Variants in TANGO2 observed in about 807,000 individuals in gnomAD.
The protein encoded by TANGO2 is transport and golgi organization 2 homolog.
Under a neutral mutation model 39.1 loss-of-function variants are expected in TANGO2, and 26 were observed. The observed-to-expected ratio is 0.67, with a 90% CI of 0.49 to 0.92. TANGO2 has a LOEUF of 0.92. TANGO2 is among the 40% of genes least tolerant of loss of function. TANGO2 has a pLI of 0.00. For synonymous variants in TANGO2, 131 were observed against 144.5 expected (o/e 0.91, Z 0.67); for missense variants, 326 against 360.1 (o/e 0.91, Z 0.77).
intron 6 of TANGO2, among the ~76,000 whole-genome samples, chr22:20,060,730 G>A (rs992615141): frequency 3.3e-5 from 5 of 152,070 alleles, no homozygotes; most frequent in Non-Finnish European, 7.4e-5. Flanking sequence ...CTGTCTCCCT[G>A]GGAAATGCCT....
chr22:20,053,392 C>A, intron 4 of TANGO2, 45 bp from the exon 5 acceptor site: 1 of 1,367,686 alleles, frequency 7.3e-7, no homozygotes, highest in Non-Finnish European at 1.0e-6. Context: ...GGGAGAAGAG[C>A]ACATGCCTGC....
At chr22:20,056,696 T>G (rs957940074) in intron 6 of TANGO2, 6 of 456,358 alleles carry the variant, frequency 1.3e-5, no homozygotes, top group African/African-American at 1.2e-4. Flanking sequence ...GGGAGGGAGG[T>G]CTGCATCTTG....
rs574103810 is a variant in TANGO2, at chr22:20,061,784, G to C, written c.605+101G>C. 76 of 1,396,414 alleles carry C rather than the reference G, an allele frequency of 5.4e-5. 1 individual carries two copies. Among genetic ancestry groups the C allele is most frequent in the Non-Finnish European group, 7.0e-5 (74 of 1,054,510 alleles). The allele number at this position is 1,396,414 out of a possible 1,614,324, so 86.5% of individuals were successfully genotyped here. A position where few individuals can be genotyped will look rare whatever the true frequency, so the allele number is the denominator to read the frequency against. ...CCCGGGAGGCCCATGGAAGTGGCCA[G>C]GCTGGGTCCCCAGCTGCAGGGAAGC... is the stretch of plus-strand genomic sequence containing the variant. On this transcript the variant is annotated intron_variant, in intron 7 of 8. Transcript: ENST00000327374.
intron 1 of TANGO2, among the ~76,000 whole-genome samples, chr22:20,034,224 C>T (rs775632076): frequency 5.9e-5 from 9 of 152,014 alleles, no homozygotes; most frequent in Non-Finnish European, 1.2e-4. Flanking sequence ...AACCGAGTTC[C>T]TTTTGCTGCT....
At chr22:20,056,548 C>A (rs779944097) in intron 6 of TANGO2, 8 of 456,812 alleles carry the variant, frequency 1.8e-5, no homozygotes, top group South Asian at 1.2e-4. Context: ...GGCTCTGCAC[C>A]ACTGCCCAGG....
In TANGO2 at chr22:20,066,031, C is replaced by T. The variant is rs1054215; in HGVS notation, c.*1369C>T. Reference sequence around the variant, plus strand: ...CCCTTCCCACCTCCCCCTTTCCTCACGGCTTCTTCAGCACCACATGTGGAT... The same window carrying T: ...CCCTTCCCACCTCCCCCTTTCCTCATGGCTTCTTCAGCACCACATGTGGAT... On this transcript the variant is annotated 3_prime_UTR_variant, in exon 9 of 9. Coordinates refer to ENST00000327374, the MANE Select transcript of TANGO2 (RefSeq NM_152906.7). The T allele has an allele frequency of 0.1, 15,352 of 152,500 alleles. 1,473 individuals are homozygous for T. The highest frequency in any genetic ancestry group is 0.25 in the African/African-American group (10,353 of 41,528). The allele number at this position is 152,500 out of a possible 1,614,324, so 9.4% of individuals were successfully genotyped here. A position where few individuals can be genotyped will look rare whatever the true frequency, so the allele number is the denominator to read the frequency against.
intron 1 of TANGO2, among the ~76,000 whole-genome samples, chr22:20,032,389 C>T (rs1569246972): frequency 6.6e-6 from 1 of 152,268 alleles, no homozygotes; most frequent in African/African-American, 2.4e-5. Flanking sequence ...GATGCAGAGA[C>T]TGGGCGTGGC....
intron 1 of TANGO2, 124 bp from the exon 2 acceptor site, chr22:20,036,636 C>A: frequency 3.7e-6 from 3 of 813,414 alleles, no homozygotes; most frequent in South Asian, 1.6e-5. Flanking sequence ...TCCAGTTCCC[C>A]CACACCCAGC....
At chr22:20,058,402 G>A (rs1331412707) in intron 6 of TANGO2, 1 of 152,166 alleles carries the variant, frequency 6.6e-6, no homozygotes, top group Non-Finnish European at 1.5e-5. Flanking sequence ...TAGCACTTTA[G>A]GAGGCCAAGG....
At chr22:20,059,817 T>G (rs2048030975) in intron 6 of TANGO2, among the ~76,000 whole-genome samples, 1 of 152,184 alleles carries the variant, frequency 6.6e-6, no homozygotes, top group African/African-American at 2.4e-5. Flanking sequence ...TCTTTTTTTT[T>G]CTTTTGTTGC....
Position 20,052,543 on chromosome 22 carries a change from A to G in TANGO2, c.224A>G (p.Asn75Ser). Residue 75 changes from asparagine to serine, a missense_variant, in exon 4 of 9, where the codon AAC becomes AGC. Physicochemically the swap from Asn to Ser is conservative, Grantham distance 46. Transcript: ENST00000327374. ...CGTGGCAAGCTGGCAGCACTCACCAACTACCTGCAGCCGCAGCTGGACTGG... is the reference window on the plus strand; with the variant it reads ...CGTGGCAAGCTGGCAGCACTCACCAGCTACCTGCAGCCGCAGCTGGACTGG... ...STRGKLAALT[N>S]YLQPQLDWQA... 6.2e-7 allele frequency: 1 copy of G among 1,600,654 alleles called. No homozygotes were observed. Among genetic ancestry groups the G allele is most frequent in the Non-Finnish European group, 8.5e-7 (1 of 1,174,090 alleles).
chr22:20,025,489 C>T (rs1194576238), intron 1 of TANGO2, among the ~76,000 whole-genome samples: 2 of 152,098 alleles, frequency 1.3e-5, no homozygotes, highest in Non-Finnish European at 2.9e-5. Context: ...ACAGATTGTA[C>T]AAAGTGAACC....
intron 8 of TANGO2, chr22:20,063,714 G>T: frequency 2.5e-6 from 1 of 400,560 alleles, no homozygotes; most frequent in East Asian, 3.9e-5. Context: ...GATCCCTGCG[G>T]GCAAACGCCC....
intron 8 of TANGO2, 34 bp from the exon 9 acceptor site, chr22:20,064,508 C>A: frequency 6.2e-7 from 1 of 1,613,020 alleles, no homozygotes; most frequent in East Asian, 2.2e-5. Flanking sequence ...GGCTGAGGGA[C>A]ACCAGGTGAA....
chr22:20,036,872 C>T lies in TANGO2; in HGVS notation c.56+18C>T, dbSNP rs1209460754. On this transcript the variant is annotated intron_variant, in intron 2 of 8. Transcript: ENST00000327374. ...GCGTACAGGTAACCCCCTCGCTCTG[C>T]ATCTGCTGCGCCCTGCAGGGTCCTG... 24 of 1,614,140 alleles carry T rather than the reference C, an allele frequency of 1.5e-5. No individual in the cohort carries two copies. The highest frequency in any genetic ancestry group is 1.9e-5 in the Non-Finnish European group (23 of 1,180,054).
At chr22:20,027,255 A>G (rs559045213) in intron 1 of TANGO2, among the ~76,000 whole-genome samples, 23 of 152,222 alleles carry the variant, frequency 1.5e-4, no homozygotes, top group African/African-American at 4.8e-4. Context: ...CCATGATCCA[A>G]TCGCCTCCCA....
intron 1 of TANGO2, among the ~76,000 whole-genome samples, chr22:20,024,231 A>G (rs1398644459): frequency 6.6e-6 from 1 of 152,240 alleles, no homozygotes; most frequent in Non-Finnish European, 1.5e-5. Context: ...AATAAAAATA[A>G]AAAATGCCAT....
In TANGO2 at chr22:20,036,840, C is replaced by T; in HGVS notation, c.42C>T (p.Ser14=). ...TTAAGTTTGATCCTCGCCCTGTTTCCAAAAACGCGTACAGGTAACCCCCTC... is the reference window on the plus strand; with the variant it reads ...TTAAGTTTGATCCTCGCCCTGTTTCTAAAAACGCGTACAGGTAACCCCCTC... ...IFFKFDPRPV[S]KNAYRLILAA... The change falls in exon 2 of 9, where the codon TCC becomes TCT. Residue 14 remains serine (S), a synonymous_variant. Transcript: ENST00000327374. The T allele has an allele frequency of 6.2e-7, 1 of 1,614,200 alleles. No individual in the cohort carries two copies.
At chr22:20,052,061 GGCCT>G (rs1287309365) in intron 3 of TANGO2, among the ~76,000 whole-genome samples, 1 of 152,174 alleles carries the variant, frequency 6.6e-6, no homozygotes, top group Non-Finnish European at 1.5e-5. Flanking sequence ...CCTAGTGAAG[GGCCT>G]GCCCTTTGGG....
Sources: allele counts gnomAD v4.1 joint callset (sites outside exome capture counted in the v4.1 genomes callset), GRCh38; gene constraint gnomAD v4.1.1; transcripts MANE v1.5; gene names NCBI Gene and HGNC (gene_info 2026-07-23, HGNC 2026-07-21).